Variants in ARL5B observed in about 807,000 individuals in gnomAD.
The protein encoded by ARL5B is ADP-ribosylation factor-like protein 5B.
Under a neutral mutation model 26.9 loss-of-function variants are expected in ARL5B, and 10 were observed. The ratio of observed to expected loss-of-function variants is 0.37; its 90% CI spans 0.23 to 0.63. The LOEUF (loss-of-function observed/expected upper bound fraction) is 0.63, where lower values mean the gene tolerates loss of function less well. ARL5B is among the 30% of genes least tolerant of loss of function. The probability of loss-of-function intolerance (pLI) is 0.62; values close to 1 mark genes in which losing one functional copy is unlikely to be tolerated. For synonymous variants in ARL5B, 87 were observed against 70.4 expected, an observed-to-expected ratio of 1.24 and a Z score of -1.18; for missense variants, 167 against 213.9, an observed-to-expected ratio of 0.78 and a Z score of 1.37.
rs1442198055 is a variant in ARL5B at position 18,676,119 on chromosome 10, T to C, written c.*903T>C. The C allele has an allele frequency of 1.3e-5, 2 of 152,530 alleles. No homozygotes were observed. The highest frequency in any genetic ancestry group is 2.9e-5 in the Non-Finnish European group (2 of 67,934). 9.4% of individuals were successfully genotyped at this position (152,530 alleles called of 1,614,324 possible). A position where few individuals can be genotyped will look rare whatever the true frequency, so the allele number is the denominator to read the frequency against. On this transcript the variant is annotated 3_prime_UTR_variant, in exon 6 of 6. Coordinates refer to ENST00000377275, the MANE Select transcript of ARL5B (RefSeq NM_178815.5). ...CAACAGAAATTTTAGCTCTTTTCTT[T>C]GCAAGATATATCACAGCTGCTTTGG...
chr10:18,662,226 A>G (rs1317265131), intron 1 of ARL5B, among the ~76,000 whole-genome samples: 1 of 152,256 alleles, frequency 6.6e-6, no homozygotes, highest in East Asian at 1.9e-4. Flanking sequence ...CTGCCAAGGT[A>G]AATCGAATGT....
At position 18,663,546 on chromosome 10, in the gene ARL5B, C is replaced by CTTTTTT. The variant is rs10645351; in HGVS notation, c.47-3014_47-3009dup. On this transcript the variant is annotated intron_variant, in intron 1 of 5. Coordinates refer to ENST00000377275, the MANE Select transcript of ARL5B (RefSeq NM_178815.5). ...ATTTCTCTCTTTAGCTTATTCTGCT[C>CTTTTTT]TTTTTTTTTTTTTTTTTTTTGAGAT... Among the ~76,000 whole-genome samples the CTTTTTT allele has an allele frequency of 1.0e-4, 10 of 97,938 alleles. No homozygotes were observed. In the South Asian group the frequency reaches 1.1e-3, roughly 11 times the overall value. The allele number at this position is 97,938 out of a possible 152,430, so 64.3% of individuals were successfully genotyped here. A position where few individuals can be genotyped will look rare whatever the true frequency, so the allele number is the denominator to read the frequency against.
At chr10:18,671,519 T>C (rs2059886749) in intron 3 of ARL5B, among the ~76,000 whole-genome samples, 1 of 152,140 alleles carries the variant, frequency 6.6e-6, no homozygotes. Context: ...ACCCTTCATG[T>C]CTCAGTTTAT....
At chr10:18,673,531 A>G (rs543009046) in intron 4 of ARL5B, among the ~76,000 whole-genome samples, 5 of 152,208 alleles carry the variant, frequency 3.3e-5, no homozygotes, top group African/African-American at 4.8e-5. Flanking sequence ...CAGTATGAGT[A>G]TATCACAATC....
At chr10:18,669,202 G>A (rs2059875698) in intron 3 of ARL5B, among the ~76,000 whole-genome samples, 1 of 152,068 alleles carries the variant, frequency 6.6e-6, no homozygotes, top group Admixed American at 6.6e-5. Flanking sequence ...AGATTGTTTG[G>A]AGCTATTATT....
intron 4 of ARL5B, among the ~76,000 whole-genome samples, 188 bp downstream of exon 4, chr10:18,672,893 C>G (rs1027246165): frequency 1.3e-5 from 2 of 152,062 alleles, no homozygotes; most frequent in African/African-American, 4.8e-5. Context: ...TTAAAAAACC[C>G]TAACACATTA....
intron 1 of ARL5B, among the ~76,000 whole-genome samples, chr10:18,661,500 T>C (rs964362312): frequency 2.0e-5 from 3 of 152,220 alleles, no homozygotes; most frequent in Non-Finnish European, 4.4e-5. Context: ...TGTTGGAAAA[T>C]TTAGAACCAG....
At chr10:18,670,273 C>T (rs1024626776) in intron 3 of ARL5B, among the ~76,000 whole-genome samples, 1 of 152,076 alleles carries the variant, frequency 6.6e-6, no homozygotes, top group Non-Finnish European at 1.5e-5. Context: ...GTAGCTTATA[C>T]ATTTATACAG....
rs1021072854 is a variant in ARL5B, at chr10:18,677,284, A to G, written c.*2068A>G. The G allele has an allele frequency of 6.6e-6, 1 of 152,208 alleles. No homozygotes were observed. Among genetic ancestry groups the G allele is most frequent in the African/African-American group, 2.4e-5 (1 of 41,388 alleles). The allele number at this position is 152,208 out of a possible 1,614,324, so 9.4% of individuals were successfully genotyped here. On this transcript the variant is annotated 3_prime_UTR_variant, in exon 6 of 6. Transcript: ENST00000377275. ...TGGTTATTTTTTATATTACCACATCAGCATTATATTAAAAGTGTTTTTAAT... is the reference window on the plus strand; with the variant it reads ...TGGTTATTTTTTATATTACCACATCGGCATTATATTAAAAGTGTTTTTAAT...
intron 3 of ARL5B, 146 bp downstream of exon 3, chr10:18,668,823 G>A: frequency 1.2e-6 from 1 of 829,708 alleles, no homozygotes; most frequent in South Asian, 2.0e-5. Context: ...AGGCTAGAGT[G>A]CAGTGGAGTG....
intron 1 of ARL5B, among the ~76,000 whole-genome samples, chr10:18,665,277 C>G (rs1410565555): frequency 1.3e-5 from 2 of 152,254 alleles, no homozygotes; most frequent in East Asian, 3.9e-4. Flanking sequence ...GAGGTCGAGG[C>G]TGCAGTGATC....
At chr10:18,670,285 A>C (rs1311725217) in intron 3 of ARL5B, among the ~76,000 whole-genome samples, 1 of 152,124 alleles carries the variant, frequency 6.6e-6, no homozygotes, top group African/African-American at 2.4e-5. Flanking sequence ...TTTATACAGT[A>C]AAATAATGTT....
chr10:18,661,519 C>T (rs1287356338), intron 1 of ARL5B, among the ~76,000 whole-genome samples: 1 of 152,158 alleles, frequency 6.6e-6, no homozygotes, highest in Non-Finnish European at 1.5e-5. Flanking sequence ...AGTGATTATT[C>T]TGTTATTTTA....
chr10:18,676,418 A>C lies in ARL5B; in HGVS notation c.*1202A>C, dbSNP rs1260593121. ...CAAAGTTAATATTCTTAACAACTTA[A>C]AATTAAAAAAAGTCATAATCTATCA... On this transcript the variant is annotated 3_prime_UTR_variant, in exon 6 of 6. Transcript: ENST00000377275. 6.6e-6 allele frequency: 1 copy of C among 152,000 alleles called. No individual in the cohort carries two copies. Among genetic ancestry groups the C allele is most frequent in the Non-Finnish European group, 1.5e-5 (1 of 67,864 alleles). 9.4% of individuals were successfully genotyped at this position (152,000 alleles called of 1,614,324 possible).
intron 2 of ARL5B, among the ~76,000 whole-genome samples, 162 bp from the exon 3 acceptor site, chr10:18,668,368 C>G (rs2059870844): frequency 6.6e-6 from 1 of 151,480 alleles, no homozygotes; most frequent in East Asian, 1.9e-4. Context: ...GAGTTGTTAT[C>G]TAGATATTGA....
Position 18,679,110 on chromosome 10 carries a change from G to A in ARL5B, c.*3894G>A, listed in dbSNP as rs528479657. The A allele has an allele frequency of 2.0e-5, 3 of 151,690 alleles. No individual in the cohort carries two copies. Among genetic ancestry groups the A allele is most frequent in the Non-Finnish European group, 4.4e-5 (3 of 67,788 alleles). The allele number at this position is 151,690 out of a possible 1,614,324, so 9.4% of individuals were successfully genotyped here. A position where few individuals can be genotyped will look rare whatever the true frequency, so the allele number is the denominator to read the frequency against. On this transcript the variant is annotated 3_prime_UTR_variant, in exon 6 of 6. Coordinates refer to ENST00000377275, the MANE Select transcript of ARL5B (RefSeq NM_178815.5). ...CGAATACAACCAAGTAGGGAAAAAC[G>A]TATCAGTAACTGCTATTCAACTTAA...
In ARL5B at chr10:18,675,352, C is replaced by T. The variant is rs755971062; in HGVS notation, c.*136C>T. ...CTGAGAGCAACACTTGAATCAAGTG[C>T]AGCTGAACTGGAACATAAAAGATTT... On this transcript the variant is annotated 3_prime_UTR_variant, in exon 6 of 6. Coordinates refer to ENST00000377275, the MANE Select transcript of ARL5B (RefSeq NM_178815.5). 2 of 769,406 alleles carry T rather than the reference C, an allele frequency of 2.6e-6. No homozygotes were observed. The highest frequency in any genetic ancestry group is 4.3e-6 in the Non-Finnish European group (2 of 469,102). 47.7% of individuals were successfully genotyped at this position (769,406 alleles called of 1,614,324 possible). A position where few individuals can be genotyped will look rare whatever the true frequency, so the allele number is the denominator to read the frequency against.
At position 18,659,494 on chromosome 10, in the gene ARL5B, T is replaced by G; in HGVS notation, c.-144T>G. 2 of 1,082,372 alleles carry G rather than the reference T, an allele frequency of 1.8e-6. No individual in the cohort carries two copies. Among genetic ancestry groups the G allele is most frequent in the Non-Finnish European group, 2.5e-6 (2 of 791,366 alleles). 67.0% of individuals were successfully genotyped at this position (1,082,372 alleles called of 1,614,324 possible). Reference sequence around the variant, plus strand: ...TCGCGGCGCCTTCTGAGTGGTCGGGTCGAGGCTTCTCGGCCTAGCAGTGCC... The same window carrying G: ...TCGCGGCGCCTTCTGAGTGGTCGGGGCGAGGCTTCTCGGCCTAGCAGTGCC... On this transcript the variant is annotated 5_prime_UTR_variant, in exon 1 of 6. Transcript: ENST00000377275.
chr10:18,672,595 C>A, intron 3 of ARL5B, 27 bp from the exon 4 acceptor site: 1 of 1,563,608 alleles, frequency 6.4e-7, no homozygotes, highest in Non-Finnish European at 8.7e-7. Flanking sequence ...ATTCAATTTT[C>A]TGTCTTTCCT....
Sources: gnomAD v4.1 joint callset for allele counts (sites outside exome capture counted in the v4.1 genomes callset) on GRCh38, gnomAD v4.1.1 for gene constraint, MANE v1.5 for transcripts, NCBI Gene and HGNC (gene_info 2026-07-23, HGNC 2026-07-21) for gene names.